The following ATP6V0A2 variants were observed in gnomAD, a reference collection of about 807,000 sequenced individuals.
ATP6V0A2 encodes the protein ATPase H+ transporting V0 subunit a2, also known as V-type proton ATPase 116 kDa subunit a 2.
In ATP6V0A2, 58 loss-of-function variants were observed where a neutral mutation model predicts 104.4. The ratio of observed to expected loss-of-function variants is 0.56; its 90% CI spans 0.45 to 0.69. The LOEUF is 0.69. Among genes scored for constraint, ATP6V0A2 ranks in the 30% least tolerant of loss-of-function variants. The probability of loss-of-function intolerance (pLI) is 0.00; values close to 1 mark genes in which losing one functional copy is unlikely to be tolerated. For missense variants in ATP6V0A2, 938 were observed against 1,062.9 expected, an observed-to-expected ratio of 0.88 and a Z score of 1.63; for synonymous variants, 376 against 397.9, an observed-to-expected ratio of 0.95 and a Z score of 0.65.
rs1270346516 is a variant in ATP6V0A2 at position 123,735,517 on chromosome 12, C to T, written c.732-14C>T. ...CTGACAGATGTGAGACTGTGTTCAA[C>T]TCTTGTCTTCCAGCTACCACTGCCA... On this transcript the variant is annotated splice_polypyrimidine_tract_variant and intron_variant, in intron 7 of 19. Transcript: ENST00000330342. 1.2e-6 allele frequency: 2 copies of T among 1,611,194 alleles called. No individual in the cohort carries two copies. The highest frequency in any genetic ancestry group is 1.7e-5 in the Admixed American group (1 of 59,968).
chr12:123,735,162 TGTGTCTGTGTGTGTCTG>T (rs1273715055), intron 7 of ATP6V0A2, among the ~76,000 whole-genome samples: 3 of 145,642 alleles, frequency 2.1e-5, no homozygotes, highest in African/African-American at 7.8e-5. Context: ...TGTGTGTGTG[TGTGTCTGTGTGTGTCTG>T]TTGTGTGTCT....
Position 123,744,393 on chromosome 12 carries a change from C to G in ATP6V0A2, c.1326+56C>G, listed in dbSNP as rs924719710. ...CTGGTTAGGTGGCATTAGCAGTGAC[C>G]GAAAGAGAGACACCTCTTAGATGTT... On this transcript the variant is annotated intron_variant, in intron 11 of 19. Transcript: ENST00000330342. The surrounding 1 kb of genome is among the most constrained non-coding windows in gnomAD (Gnocchi z 5.4). 6.2e-6 allele frequency: 10 copies of G among 1,609,588 alleles called. No individual in the cohort carries two copies. The highest frequency in any genetic ancestry group is 8.5e-6 in the Non-Finnish European group (10 of 1,176,252).
intron 13 of ATP6V0A2, among the ~76,000 whole-genome samples, chr12:123,746,104 G>T (rs998348050): frequency 6.6e-6 from 1 of 152,060 alleles, no homozygotes; most frequent in Non-Finnish European, 1.5e-5. Context: ...ACAGCATTTT[G>T]GAGCCAAATT....
chr12:123,728,424 T>C (rs1389229408), intron 6 of ATP6V0A2, among the ~76,000 whole-genome samples: 2 of 150,558 alleles, frequency 1.3e-5, no homozygotes, highest in African/African-American at 4.9e-5. Flanking sequence ...AACTTTTTAT[T>C]TTTGGTAGAG....
intron 7 of ATP6V0A2, 60 bp downstream of exon 7, chr12:123,734,068 C>T: frequency 7.6e-7 from 1 of 1,321,012 alleles, no homozygotes; most frequent in Non-Finnish European, 1.1e-6. Context: ...CTCTAGTTTT[C>T]CTTCAACATC....
intron 5 of ATP6V0A2, among the ~76,000 whole-genome samples, chr12:123,726,533 G>C (rs1019993784): frequency 5.3e-5 from 8 of 152,196 alleles, no homozygotes; most frequent in Admixed American, 3.9e-4. Flanking sequence ...CAACATTTAC[G>C]TGATTCAGTG....
intron 15 of ATP6V0A2, 33 bp downstream of exon 15, chr12:123,748,818 G>A (rs770589259): frequency 1.7e-5 from 26 of 1,570,012 alleles, no homozygotes; most frequent in East Asian, 6.7e-5. Context: ...TGAACTTAAC[G>A]GAAGTATTCC....
At chr12:123,721,477 G>T in intron 2 of ATP6V0A2, 1 of 157,966 alleles carries the variant, frequency 6.3e-6, no homozygotes, top group Non-Finnish European at 1.4e-5. Context: ...GCCCATGGCA[G>T]CTGTCACTGT....
At chr12:123,748,952 C>T (rs1956688955) in intron 15 of ATP6V0A2, among the ~76,000 whole-genome samples, 167 bp downstream of exon 15, 1 of 152,164 alleles carries the variant, frequency 6.6e-6, no homozygotes, top group Admixed American at 6.6e-5. Flanking sequence ...CCGCTGTGTG[C>T]AGGCAGCATG....
chr12:123,722,558 G>A (rs919099527), intron 3 of ATP6V0A2, 110 bp downstream of exon 3: 2 of 735,374 alleles, frequency 2.7e-6, no homozygotes, highest in African/African-American at 3.5e-5. Context: ...AACTATGGAA[G>A]ATGGTGATCT....
Position 123,744,538 on chromosome 12 carries a change from C to T in ATP6V0A2, c.1327-59C>T, listed in dbSNP as rs1400063259. On this transcript the variant is annotated intron_variant, in intron 11 of 19. Transcript: ENST00000330342. The surrounding 1 kb of genome is among the most constrained non-coding windows in gnomAD (Gnocchi z 5.4). ...GTGGTGAGGGTCGTGCCCACACCGA[C>T]AGCTGTCACATGGACACCCTCCAGT... 5.6e-6 allele frequency: 9 copies of T among 1,605,786 alleles called. No homozygotes were observed. The Admixed American group carries it at 1.3e-4, about 24-fold the overall frequency.
In ATP6V0A2 at chr12:123,744,476, G is replaced by A. The variant is rs1956640138; in HGVS notation, c.1327-121G>A. 1 of 1,552,964 alleles carries A rather than the reference G, an allele frequency of 6.4e-7. No individual in the cohort carries two copies. The highest frequency in any genetic ancestry group is 8.8e-7 in the Non-Finnish European group (1 of 1,130,170). On this transcript the variant is annotated intron_variant, in intron 11 of 19. Transcript: ENST00000330342. This position sits in a 1 kb window ranked among gnomAD's most constrained non-coding sequence, Gnocchi z 5.4. ...GTGGCCTGTCAGCTGCGGCTGACAG[G>A]GATGTCTGCGGGGCGAGGCTGTTTT...
rs1217700325 is a variant in ATP6V0A2, at chr12:123,759,950, G to A, written c.*1918G>A. On this transcript the variant is annotated 3_prime_UTR_variant, in exon 20 of 20. Coordinates refer to ENST00000330342, the MANE Select transcript of ATP6V0A2 (RefSeq NM_012463.4). ...TGCTTCCCTAGAAAGGTGTCATGTC[G>A]GGCACTTGTGTTGGGTGACTATGAC... The A allele has an allele frequency of 1.3e-5, 2 of 152,136 alleles. No homozygotes were observed. Among genetic ancestry groups the A allele is most frequent in the African/African-American group, 2.4e-5 (1 of 41,410 alleles). The allele number at this position is 152,136 out of a possible 1,614,324, so 9.4% of individuals were successfully genotyped here.
At chr12:123,733,835 A>G in intron 6 of ATP6V0A2, 91 bp from the exon 7 acceptor site, 9 of 892,486 alleles carry the variant, frequency 1.0e-5, no homozygotes, top group Non-Finnish European at 1.5e-5. Flanking sequence ...GAATGAGTGA[A>G]TGAATGAACG....
intron 2 of ATP6V0A2, 134 bp downstream of exon 2, chr12:123,718,835 C>G: frequency 1.6e-6 from 1 of 639,676 alleles, no homozygotes; most frequent in Non-Finnish European, 2.7e-6. Flanking sequence ...CAGAAGTAAT[C>G]ACAGTTATGT....
intron 9 of ATP6V0A2, among the ~76,000 whole-genome samples, chr12:123,742,556 G>A (rs1204872709): frequency 1.3e-5 from 2 of 152,128 alleles, no homozygotes; most frequent in Non-Finnish European, 2.9e-5. Flanking sequence ...ACACATTTTG[G>A]CCGGGTGCAG....
intron 6 of ATP6V0A2, 89 bp downstream of exon 6, chr12:123,727,998 A>G: frequency 3.2e-6 from 5 of 1,558,746 alleles, no homozygotes; most frequent in Non-Finnish European, 4.4e-6. Context: ...CTCCTGAACC[A>G]TTTGATAATA....
rs979048406 is a variant in ATP6V0A2, at chr12:123,736,854, G to A, written c.826-205G>A. On this transcript the variant is annotated intron_variant, in intron 8 of 19. Coordinates refer to ENST00000330342, the MANE Select transcript of ATP6V0A2 (RefSeq NM_012463.4). Reference sequence around the variant, plus strand: ...CCAAAAGAGGGCATCTGATTGATTGGGCTTAGATTTTTCTGCCCACCTCCG... The same window carrying A: ...CCAAAAGAGGGCATCTGATTGATTGAGCTTAGATTTTTCTGCCCACCTCCG... Among the ~76,000 whole-genome samples, 27 of 152,128 alleles carry A rather than the reference G, an allele frequency of 1.8e-4. 1 individual carries two copies. Among genetic ancestry groups the A allele is most frequent in the Non-Finnish European group, 7.4e-5 (5 of 68,012 alleles).
intron 16 of ATP6V0A2, among the ~76,000 whole-genome samples, chr12:123,751,862 C>CTTTTTTTTTTTTTTTTTTT (rs34862238): frequency 8.1e-6 from 1 of 123,456 alleles, no homozygotes; most frequent in Non-Finnish European, 1.6e-5. Flanking sequence ...TTCTTTCTTT[C>CTTTTTTTTTTTTTTTTTTT]TTTTTTTTTT....
Sources: allele counts gnomAD v4.1 joint callset (sites outside exome capture counted in the v4.1 genomes callset), GRCh38; gene constraint gnomAD v4.1.1; non-coding constraint Gnocchi (gnomAD v3.1); transcripts MANE v1.5; gene names NCBI Gene and HGNC (gene_info 2026-07-23, HGNC 2026-07-21).